WDR35: variants seen among roughly 807,000 people sequenced by gnomAD.
WDR35 encodes WD repeat domain 35, also known as WD repeat-containing protein 35.
WDR35 carries 118 observed loss-of-function variants against 158.3 expected under a neutral mutation model. That is an observed-to-expected ratio of 0.75 (90% CI 0.64 to 0.87). The LOEUF (loss-of-function observed/expected upper bound fraction) is 0.87. WDR35 is among the 40% of genes least tolerant of loss of function. WDR35 has a pLI of 0.00. For synonymous variants in WDR35, 448 were observed against 476.1 expected (o/e 0.94, Z 0.77); for missense variants, 1,263 against 1,405.8 (o/e 0.90, Z 1.62).
intron 2 of WDR35, among the ~76,000 whole-genome samples, chr2:19,986,230 G>A (rs944262510): frequency 2.6e-5 from 4 of 152,186 alleles, no homozygotes; most frequent in South Asian, 2.1e-4. Context: ...TCAAGAGTTC[G>A]GTTTTGAACA....
At chr2:19,924,355 G>A (rs1670289509) in intron 25 of WDR35, among the ~76,000 whole-genome samples, 1 of 152,050 alleles carries the variant, frequency 6.6e-6, no homozygotes, top group Non-Finnish European at 1.5e-5. Context: ...ACAAGGTCAG[G>A]AGATCGAGAC....
Position 19,931,315 on chromosome 2 carries a change from T to G in WDR35, c.2918A>C (p.Gln973Pro), listed in dbSNP as rs777825229. The G allele has an allele frequency of 1.2e-6, 2 of 1,613,422 alleles. No homozygotes were observed. The highest frequency in any genetic ancestry group is 2.7e-5 in the African/African-American group (2 of 74,918). Residue 973 changes from glutamine (Q) to proline (P), a missense_variant, in exon 24 of 27, where the codon CAG (glutamine) becomes CCG (proline). By Grantham distance (76) the Gln-to-Pro change is moderately conservative (BLOSUM62 -1). Transcript: ENST00000281405. ...SALLIEQYHEQMKNAQRGKVK... is the reference protein window; with the variant it reads ...SALLIEQYHEPMKNAQRGKVK... ...TTTTCCTCGCTGGGCATTCTTCATC[T>G]GTTCATGGTATTGCTCTATAAGTAA...
In WDR35 at chr2:19,948,232, T is replaced by C. The variant is rs748532085; in HGVS notation, c.1471-15A>G. 3 of 1,606,728 alleles carry C rather than the reference T, an allele frequency of 1.9e-6. No homozygotes were observed. The highest frequency in any genetic ancestry group is 2.6e-6 in the Non-Finnish European group (3 of 1,175,932). The stretch of plus-strand genomic sequence containing the variant: ...TCCCTTGTGCCCTAAAATAAATTAA[T>C]CAATCATTACTATTCAACAAACATT... On this transcript the variant is annotated splice_polypyrimidine_tract_variant and intron_variant, in intron 13 of 26. Transcript: ENST00000281405.
chr2:19,916,163 C>T (rs923078988), intron 25 of WDR35, among the ~76,000 whole-genome samples: 46 of 152,290 alleles, frequency 3.0e-4, no homozygotes, highest in African/African-American at 1.1e-3. Flanking sequence ...AATCCCTCTC[C>T]TAGCCAAGGG....
chr2:19,975,621 G>T lies in WDR35; in HGVS notation c.479C>A (p.Ser160Tyr), dbSNP rs1266731595. Residue 160 changes from serine (S) to tyrosine (Y), a missense_variant, in exon 6 of 27, where the codon TCC (serine) becomes TAC (tyrosine). Physicochemically the swap from Ser to Tyr is moderately radical, Grantham distance 144. Coordinates refer to ENST00000281405, the MANE Select transcript of WDR35 (RefSeq NM_020779.4). ...WGKDLKGIQL[S>Y]HVTWSADSKV... Reference sequence around the variant, plus strand: ...ACTGTCCGCAGACCATGTTACATGGGATAGCTGTATACCCTTCAGGTCTTT... The same window carrying T: ...ACTGTCCGCAGACCATGTTACATGGTATAGCTGTATACCCTTCAGGTCTTT... The T allele has an allele frequency of 6.2e-7, 1 of 1,613,916 alleles. No homozygotes were observed. The highest frequency in any genetic ancestry group is 8.5e-7 in the Non-Finnish European group (1 of 1,179,964).
rs1463454791 is a variant in WDR35 at position 19,989,374 on chromosome 2, A to G, written c.25-92T>C. On this transcript the variant is annotated intron_variant, in intron 1 of 26. Transcript: ENST00000281405. ...GATGAAAGCTGAAGAAAATCTTCCAAGAAGAAAAACGAACGGCCTTGCAGA... is the reference window on the plus strand; with the variant it reads ...GATGAAAGCTGAAGAAAATCTTCCAGGAAGAAAAACGAACGGCCTTGCAGA... The G allele has an allele frequency of 3.2e-6, 4 of 1,235,542 alleles. No individual in the cohort carries two copies. The Admixed American group carries it at 5.1e-5, about 16-fold the overall frequency. The allele number at this position is 1,235,542 out of a possible 1,614,324, so 76.5% of individuals were successfully genotyped here.
chr2:19,922,062 G>A (rs971690544), intron 25 of WDR35, among the ~76,000 whole-genome samples: 4 of 152,152 alleles, frequency 2.6e-5, no homozygotes, highest in Admixed American at 1.3e-4. Flanking sequence ...TAAAAAGTCA[G>A]GAAACAACAG....
At position 19,985,899 on chromosome 2, in the gene WDR35, GA is replaced by G. The variant is rs70939024; in HGVS notation, c.142+3265del. On this transcript the variant is annotated intron_variant, in intron 2 of 26. Transcript: ENST00000281405. Reference sequence around the variant, plus strand: ...GCAACAGAGTGAGACCCCATCTCGGGAAAAAAAAAAAAAAAAAAAAAAAAAA... The same window carrying G: ...GCAACAGAGTGAGACCCCATCTCGGGAAAAAAAAAAAAAAAAAAAAAAAAA... Among the ~76,000 whole-genome samples the G allele has an allele frequency of 1.8e-3, 127 of 71,162 alleles. 2 individuals carry two copies. The highest frequency in any genetic ancestry group is 5.9e-3 in the African/African-American group (113 of 19,206). The allele number at this position is 71,162 out of a possible 152,430, so 46.7% of individuals were successfully genotyped here.
intron 25 of WDR35, among the ~76,000 whole-genome samples, chr2:19,929,286 C>A (rs1173721193): frequency 6.6e-6 from 1 of 152,064 alleles, no homozygotes; most frequent in East Asian, 1.9e-4. Context: ...TATAGAATTC[C>A]AGAAATATTC....
chr2:19,961,386 C>T lies in WDR35; in HGVS notation c.1195-772G>A, dbSNP rs546343411. Among the ~76,000 whole-genome samples, 5 of 152,338 alleles carry T rather than the reference C, an allele frequency of 3.3e-5. No homozygotes were observed. The South Asian group carries it at 8.3e-4, about 25-fold the overall frequency. On this transcript the variant is annotated intron_variant, in intron 10 of 26. Transcript: ENST00000281405. ...CAGAAACAATAGTCAACACTATAGA[C>T]ATCTCAACTGGCTCAGCTCACACAA...
At chr2:19,923,833 G>A (rs1160243669) in intron 25 of WDR35, among the ~76,000 whole-genome samples, 1 of 152,228 alleles carries the variant, frequency 6.6e-6, no homozygotes, top group South Asian at 2.1e-4. Context: ...ATTGCTCAAA[G>A]AATTTAAACA....
intron 26 of WDR35, 46 bp from the exon 27 acceptor site, chr2:19,913,754 T>C: frequency 1.9e-6 from 3 of 1,611,954 alleles, no homozygotes; most frequent in East Asian, 4.5e-5. Context: ...AAACTTCTCA[T>C]TAGTCTAACT....
intron 23 of WDR35, among the ~76,000 whole-genome samples, chr2:19,931,952 C>T (rs750822035): frequency 2.0e-5 from 3 of 152,060 alleles, no homozygotes; most frequent in Non-Finnish European, 2.9e-5. Context: ...AAAACTTGTA[C>T]ATTTAAAAGA....
At chr2:19,989,938 C>G in intron 1 of WDR35, 54 bp downstream of exon 1, 1 of 1,609,890 alleles carries the variant, frequency 6.2e-7, no homozygotes, top group Non-Finnish European at 8.5e-7. Flanking sequence ...CAGCGGGAAT[C>G]GCCGCAGGCT....
intron 2 of WDR35, among the ~76,000 whole-genome samples, chr2:19,985,485 A>G (rs113344617): frequency 1.4e-3 from 78 of 54,400 alleles, no homozygotes; most frequent in East Asian, 2.5e-3. Context: ...CCAACCCAGG[A>G]CCATCATCCT....
Position 19,952,781 on chromosome 2 carries a change from C to CTTTT in WDR35, c.1400+1049_1400+1052dup, listed in dbSNP as rs773596785. 2.8e-3 allele frequency among the ~76,000 whole-genome samples: 242 copies of CTTTT among 86,292 alleles called. 1 individual carries two copies. The highest frequency in any genetic ancestry group is 3.6e-3 in the East Asian group (10 of 2,752). 56.6% of individuals were successfully genotyped at this position (86,292 alleles called of 152,430 possible). A position where few individuals can be genotyped will look rare whatever the true frequency, so the allele number is the denominator to read the frequency against. ...CACATGAATTCGCATACTCAACATA[C>CTTTT]TTTTTTTTTTTTTTTTTTTTTTTTT... is the stretch of plus-strand genomic sequence containing the variant. On this transcript the variant is annotated intron_variant, in intron 12 of 26. Coordinates refer to ENST00000281405, the MANE Select transcript of WDR35 (RefSeq NM_020779.4).
In WDR35 at chr2:19,934,198, T is replaced by C. The variant is rs1670619057; in HGVS notation, c.2548-687A>G. ...CCCTTCTACAATATGTTTGGAAGTA[T>C]GAAAGTATATTTTATATCCAACTTT... On this transcript the variant is annotated intron_variant, in intron 21 of 26. Coordinates refer to ENST00000281405, the MANE Select transcript of WDR35 (RefSeq NM_020779.4). The surrounding 1 kb of genome is among the most constrained non-coding windows in gnomAD (Gnocchi z 4.6). Among the ~76,000 whole-genome samples the C allele has an allele frequency of 6.6e-6, 1 of 152,236 alleles. No homozygotes were observed. Among genetic ancestry groups the C allele is most frequent in the African/African-American group, 2.4e-5 (1 of 41,458 alleles).
chr2:19,926,578 G>T (rs567922661), intron 25 of WDR35, among the ~76,000 whole-genome samples: 2 of 152,362 alleles, frequency 1.3e-5, no homozygotes, highest in South Asian at 2.1e-4. Flanking sequence ...AAAAGAGGGA[G>T]AGACAGGGAT....
intron 25 of WDR35, among the ~76,000 whole-genome samples, chr2:19,918,612 A>T (rs1362981824): frequency 6.6e-6 from 1 of 152,240 alleles, no homozygotes; most frequent in African/African-American, 2.4e-5. Context: ...TCTCTGAAAA[A>T]ACAGACTTTA....
Sources: allele counts gnomAD v4.1 joint callset (sites outside exome capture counted in the v4.1 genomes callset), GRCh38; gene constraint gnomAD v4.1.1; non-coding constraint Gnocchi (gnomAD v3.1); transcripts MANE v1.5; gene names NCBI Gene and HGNC (gene_info 2026-07-23, HGNC 2026-07-21).